ARHGAP15: variants seen among roughly 807,000 people sequenced by gnomAD.
ARHGAP15 encodes the protein rho GTPase-activating protein 15.
ARHGAP15 carries 51 observed loss-of-function variants against 63.7 expected under a neutral mutation model. That is an observed-to-expected ratio of 0.80 (90% confidence interval 0.64 to 1.01). The LOEUF is 1.01. ARHGAP15 is among the 50% of genes least tolerant of loss of function. ARHGAP15 has a pLI of 0.00. For missense variants in ARHGAP15, 560 were observed against 564.6 expected, an observed-to-expected ratio of 0.99 and a Z score of 0.08; for synonymous variants, 191 against 193.8, an observed-to-expected ratio of 0.99 and a Z score of 0.12.
chr2:143,486,347 G>C (rs555541985), intron 8 of ARHGAP15, among the ~76,000 whole-genome samples: 16 of 149,656 alleles, frequency 1.1e-4, no homozygotes, highest in African/African-American at 3.9e-4. Flanking sequence ...GAGGTGAGCA[G>C]ATCACTTGAG....
intron 13 of ARHGAP15, among the ~76,000 whole-genome samples, chr2:143,741,629 T>G (rs1685967457): frequency 6.6e-6 from 1 of 152,222 alleles, no homozygotes. Flanking sequence ...GACTTGGGCC[T>G]TCAAGAATTA....
At position 143,226,416 on chromosome 2, in the gene ARHGAP15, T is replaced by A. The variant is rs1182514524; in HGVS notation, c.297-2165T>A. Among the ~76,000 whole-genome samples, 4 of 152,336 alleles carry A rather than the reference T, an allele frequency of 2.6e-5. No individual in the cohort carries two copies. In the East Asian group the frequency reaches 7.7e-4, roughly 29 times the overall value. ...GGAAATATAATAGGTAGGTTAAATATGGATTCTTCGTGTGTGAGGGTGTTC... is the reference window on the plus strand; with the variant it reads ...GGAAATATAATAGGTAGGTTAAATAAGGATTCTTCGTGTGTGAGGGTGTTC... On this transcript the variant is annotated intron_variant, in intron 4 of 13. Transcript: ENST00000295095.
At chr2:143,511,365 G>C (rs908525973) in intron 9 of ARHGAP15, among the ~76,000 whole-genome samples, 2 of 152,130 alleles carry the variant, frequency 1.3e-5, no homozygotes, top group African/African-American at 4.8e-5. Context: ...GAAACGGTGG[G>C]ATGAAGATAG....
intron 6 of ARHGAP15, among the ~76,000 whole-genome samples, chr2:143,369,795 A>T (rs1344663959): frequency 6.6e-6 from 1 of 152,126 alleles, no homozygotes; most frequent in Non-Finnish European, 1.5e-5. Flanking sequence ...CAGAGAACGC[A>T]GTATTCTTTT....
chr2:143,666,856 T>G (rs62170308), intron 12 of ARHGAP15, among the ~76,000 whole-genome samples: 30 of 146,806 alleles, frequency 2.0e-4, no homozygotes, highest in African/African-American at 7.4e-4. Context: ...AATGCAAATC[T>G]AAACCGCAAT....
At chr2:143,210,785 C>T (rs945023171) in intron 3 of ARHGAP15, among the ~76,000 whole-genome samples, 1 of 152,090 alleles carries the variant, frequency 6.6e-6, no homozygotes, top group African/African-American at 2.4e-5. Context: ...TCTTGGTGAC[C>T]TCTTTCTATC....
intron 6 of ARHGAP15, among the ~76,000 whole-genome samples, chr2:143,377,229 T>C (rs190405286): frequency 1.3e-5 from 2 of 152,162 alleles, no homozygotes. Context: ...TTATATACTG[T>C]ACAAGAGAAT....
chr2:143,373,997 T>C (rs749838116), intron 6 of ARHGAP15, among the ~76,000 whole-genome samples: 1 of 152,184 alleles, frequency 6.6e-6, no homozygotes, highest in African/African-American at 2.4e-5. Context: ...TTCAGAAATA[T>C]GTTAGCTCTT....
intron 2 of ARHGAP15, among the ~76,000 whole-genome samples, chr2:143,188,398 T>C (rs1185273229): frequency 6.6e-6 from 1 of 151,850 alleles, no homozygotes; most frequent in East Asian, 1.9e-4. Context: ...TCCAAAAATA[T>C]CAACAAAATT....
In ARHGAP15 at chr2:143,153,843, T is replaced by TTCCTCCTCCTCCTCCTCC. The variant is rs796483071; in HGVS notation, c.-14-1622_-14-1605dup. On this transcript the variant is annotated intron_variant, in intron 1 of 13. Transcript: ENST00000295095. The stretch of plus-strand genomic sequence containing the variant: ...CTTCTTCTTCTTCTTCTTCTTCTTC[T>TTCCTCCTCCTCCTCCTCC]TCCTCCTCCTCCTCCTCCTCCTCCT... Among the ~76,000 whole-genome samples, 332 of 86,812 alleles carry TTCCTCCTCCTCCTCCTCC rather than the reference T, an allele frequency of 3.8e-3. 17 individuals carry two copies. The highest frequency in any genetic ancestry group is 5.4e-3 in the Non-Finnish European group (249 of 46,114). 57.0% of individuals were successfully genotyped at this position (86,812 alleles called of 152,430 possible).
intron 12 of ARHGAP15, among the ~76,000 whole-genome samples, chr2:143,642,556 A>G (rs575854672): frequency 6.6e-6 from 1 of 152,210 alleles, no homozygotes; most frequent in East Asian, 1.9e-4. Context: ...AGCTCTTCCT[A>G]CTCGTAGTAT....
At chr2:143,391,312 A>G (rs1687529688) in intron 6 of ARHGAP15, among the ~76,000 whole-genome samples, 1 of 152,172 alleles carries the variant, frequency 6.6e-6, no homozygotes, top group Non-Finnish European at 1.5e-5. Flanking sequence ...TACAGAATAA[A>G]ACCTAGTTTC....
At chr2:143,364,867 A>C (rs1686227670) in intron 6 of ARHGAP15, among the ~76,000 whole-genome samples, 1 of 152,138 alleles carries the variant, frequency 6.6e-6, no homozygotes, top group African/African-American at 2.4e-5. Context: ...TTATCCAGGC[A>C]TGGTAGCAGG....
intron 6 of ARHGAP15, among the ~76,000 whole-genome samples, chr2:143,253,418 T>A (rs1042525373): frequency 6.6e-5 from 10 of 152,076 alleles, no homozygotes; most frequent in Admixed American, 6.6e-5. Flanking sequence ...TTTGAGTTGT[T>A]TTCTCTTTGT....
chr2:143,352,177 A>G (rs899211993), intron 6 of ARHGAP15, among the ~76,000 whole-genome samples: 9 of 152,082 alleles, frequency 5.9e-5, no homozygotes, highest in African/African-American at 1.9e-4. Flanking sequence ...GAATACCCTA[A>G]CATATTTAGT....
At chr2:143,229,296 T>C (rs946073741) in intron 5 of ARHGAP15, among the ~76,000 whole-genome samples, 1 of 152,228 alleles carries the variant, frequency 6.6e-6, no homozygotes, top group African/African-American at 2.4e-5. Context: ...ACGTTCACTA[T>C]ATCCAGCTAA....
At chr2:143,391,789 A>G (rs1485635748) in intron 6 of ARHGAP15, among the ~76,000 whole-genome samples, 2 of 152,182 alleles carry the variant, frequency 1.3e-5, no homozygotes, top group Non-Finnish European at 2.9e-5. Context: ...ACAGTGGTAA[A>G]CTGAAATTGT....
rs144748357 is a variant in ARHGAP15 at position 143,360,390 on chromosome 2, T to TA, written c.475-75205dup. 8.4e-3 allele frequency among the ~76,000 whole-genome samples: 1,267 copies of TA among 151,456 alleles called. 18 individuals are homozygous for TA. Among genetic ancestry groups the TA allele is most frequent in the African/African-American group, 0.029 (1,216 of 41,236 alleles). On this transcript the variant is annotated intron_variant, in intron 6 of 13. Transcript: ENST00000295095. ...GTGGAGAAAGACCTCATCTCAAAAA[T>TA]AAAAAAGAACTTTGAAAATCACATT... is the stretch of plus-strand genomic sequence containing the variant.
intron 6 of ARHGAP15, among the ~76,000 whole-genome samples, chr2:143,392,387 G>A (rs914472659): frequency 1.3e-5 from 2 of 152,122 alleles, no homozygotes; most frequent in Admixed American, 1.3e-4. Context: ...GTAAAAATAT[G>A]TATTGAAATT....
Sources: allele counts gnomAD v4.1 joint callset (sites outside exome capture counted in the v4.1 genomes callset), GRCh38; gene constraint gnomAD v4.1.1; transcripts MANE v1.5; gene names NCBI Gene and HGNC (gene_info 2026-07-23, HGNC 2026-07-21).